FGF14: variants seen among roughly 807,000 people sequenced by gnomAD.
FGF14 encodes fibroblast growth factor 14.
A neutral mutation model predicts 25.5 loss-of-function variants in FGF14; 5 were observed. The observed-to-expected ratio is 0.20, with a 90% CI of 0.10 to 0.41. FGF14 has a LOEUF of 0.41. Ranked by LOEUF, FGF14 falls within the 10% of genes least tolerant of loss-of-function variation. FGF14 has a pLI of 1.00. For missense variants in FGF14, 222 were observed against 320.1 expected, an observed-to-expected ratio of 0.69 and a Z score of 2.34; for synonymous variants, 138 against 118.3, an observed-to-expected ratio of 1.17 and a Z score of -1.08.
At chr13:101,794,978 T>A (rs1004217622) in intron 3 of FGF14, among the ~76,000 whole-genome samples, 3 of 152,172 alleles carry the variant, frequency 2.0e-5, no homozygotes, top group Non-Finnish European at 4.4e-5. Flanking sequence ...ATTTCAAAAA[T>A]GTACTGCATA....
intron 1 of FGF14, among the ~76,000 whole-genome samples, chr13:101,885,644 T>C (rs1292706068): frequency 6.6e-6 from 1 of 151,926 alleles, no homozygotes; most frequent in Non-Finnish European, 1.5e-5. Context: ...GTACATGAAG[T>C]TTCCCTTTAC....
intron 3 of FGF14, among the ~76,000 whole-genome samples, chr13:101,727,557 C>T (rs1171719889): frequency 6.6e-6 from 1 of 152,100 alleles, no homozygotes; most frequent in African/African-American, 2.4e-5. Flanking sequence ...CCATGGTCTG[C>T]ATTAATTGAT....
chr13:102,197,317 C>T (rs1242628858), intron 1 of FGF14, among the ~76,000 whole-genome samples: 2 of 152,044 alleles, frequency 1.3e-5, no homozygotes, highest in Non-Finnish European at 2.9e-5. Flanking sequence ...GAGCCTAACC[C>T]CTTTACCAGC....
intron 3 of FGF14, among the ~76,000 whole-genome samples, chr13:101,771,377 C>A (rs76965919): frequency 1.9e-5 from 1 of 52,712 alleles, no homozygotes; most frequent in African/African-American, 4.5e-5. Context: ...GCCCCCCCAC[C>A]CAAGTATTGA....
chr13:101,852,000 C>T (rs2043876066), intron 3 of FGF14, among the ~76,000 whole-genome samples: 1 of 152,100 alleles, frequency 6.6e-6, no homozygotes. Flanking sequence ...GTGCCTAGGG[C>T]TGGGGCTCTC....
chr13:102,143,351 A>T (rs2046724672), intron 1 of FGF14, among the ~76,000 whole-genome samples: 1 of 152,132 alleles, frequency 6.6e-6, no homozygotes. Flanking sequence ...TTAAAAAAAA[A>T]TGTGTGTGTG....
At chr13:102,023,785 G>A (rs908629778) in intron 1 of FGF14, among the ~76,000 whole-genome samples, 1 of 151,918 alleles carries the variant, frequency 6.6e-6, no homozygotes, top group African/African-American at 2.4e-5. Context: ...GTACAGTAAG[G>A]CCTCACTTGG....
At chr13:101,732,637 A>G (rs1004168128) in intron 3 of FGF14, among the ~76,000 whole-genome samples, 7 of 151,644 alleles carry the variant, frequency 4.6e-5, no homozygotes, top group African/African-American at 1.7e-4. Context: ...ATATTAAACA[A>G]CAAAGGGTTC....
intron 1 of FGF14, among the ~76,000 whole-genome samples, chr13:102,093,194 T>TA (rs1345763952): frequency 1.6e-5 from 2 of 128,962 alleles, no homozygotes; most frequent in East Asian, 2.0e-4. Context: ...AGAAATATAT[T>TA]AAAAAAAATT....
chr13:101,894,098 C>A (rs1292486593), intron 1 of FGF14, among the ~76,000 whole-genome samples: 1 of 151,758 alleles, frequency 6.6e-6, no homozygotes, highest in Non-Finnish European at 1.5e-5. Flanking sequence ...TAATATCAGG[C>A]TTCTTTTGCA....
At chr13:102,268,225 C>T (rs2053084467) in intron 1 of FGF14, among the ~76,000 whole-genome samples, 1 of 152,082 alleles carries the variant, frequency 6.6e-6, no homozygotes, top group Non-Finnish European at 1.5e-5. Context: ...AAGCACATTG[C>T]AGACACTCGG....
intron 1 of FGF14, among the ~76,000 whole-genome samples, chr13:102,073,113 G>T (rs1394166789): frequency 6.6e-6 from 1 of 152,130 alleles, no homozygotes; most frequent in Non-Finnish European, 1.5e-5. Context: ...TTAGCCGGGT[G>T]TGGTGGCACA....
chr13:101,881,275 C>T (rs2045695591), intron 1 of FGF14, among the ~76,000 whole-genome samples: 1 of 152,168 alleles, frequency 6.6e-6, no homozygotes. Context: ...CTTTCCAACA[C>T]TATTTTCTAA....
exon 1 of FGF14, chr13:102,401,751 C>T: frequency 7.9e-7 from 1 of 1,270,028 alleles, no homozygotes; most frequent in East Asian, 2.5e-5. Flanking sequence ...TGAGACTTCT[C>T]AGTGATTGTT....
intron 1 of FGF14, among the ~76,000 whole-genome samples, chr13:102,258,943 GA>G (rs1346997302): frequency 6.6e-6 from 1 of 152,170 alleles, no homozygotes; most frequent in East Asian, 1.9e-4. Context: ...TGCCTCCCAG[GA>G]AGTTAATAGA....
intron 3 of FGF14, among the ~76,000 whole-genome samples, chr13:101,767,005 T>C (rs2038447721): frequency 1.3e-5 from 2 of 152,216 alleles, no homozygotes; most frequent in South Asian, 4.1e-4. Flanking sequence ...TTAAATGCAA[T>C]TAATCACTAA....
intron 3 of FGF14, among the ~76,000 whole-genome samples, chr13:101,789,052 G>T (rs1195395588): frequency 6.7e-6 from 1 of 148,918 alleles, no homozygotes; most frequent in African/African-American, 2.5e-5. Context: ...CCATGATTTG[G>T]TTTTCCAAAT....
intron 1 of FGF14, among the ~76,000 whole-genome samples, chr13:101,976,558 C>G (rs903244339): frequency 1.3e-5 from 2 of 152,106 alleles, no homozygotes; most frequent in Non-Finnish European, 2.9e-5. Flanking sequence ...GAGCTAGCCC[C>G]CAATAGGTTG....
chr13:102,029,768 A>G (rs1187800876), intron 1 of FGF14, among the ~76,000 whole-genome samples: 1 of 152,168 alleles, frequency 6.6e-6, no homozygotes, highest in Non-Finnish European at 1.5e-5. Flanking sequence ...CAAAATGGAA[A>G]CAGAACTGAT....
Sources: gnomAD v4.1 joint callset for allele counts (sites outside exome capture counted in the v4.1 genomes callset) on GRCh38, gnomAD v4.1.1 for gene constraint, MANE v1.5 for transcripts, NCBI Gene and HGNC (gene_info 2026-07-23, HGNC 2026-07-21) for gene names.